The following FBXO17 variants were observed in gnomAD, a reference collection of about 807,000 sequenced individuals.
FBXO17 encodes the protein F-box only protein 17.
In FBXO17, 43 loss-of-function variants were observed where a neutral mutation model predicts 34.1. That is an observed-to-expected ratio of 1.26 (90% CI 0.99 to 1.62). FBXO17 has a LOEUF of 1.62. FBXO17 is among the 40% of genes most tolerant of loss of function. FBXO17 has a pLI of 0.00. For synonymous variants in FBXO17, 169 were observed against 166.0 expected (o/e 1.02, Z -0.14); for missense variants, 424 against 386.7 (o/e 1.10, Z -0.81).
intron 1 of FBXO17, among the ~76,000 whole-genome samples, chr19:38,964,096 C>T (rs1033600208): frequency 6.6e-6 from 1 of 151,986 alleles, no homozygotes; most frequent in African/African-American, 2.4e-5. Flanking sequence ...TTTCATTGCT[C>T]TTGAGTAGAT....
In FBXO17 at chr19:38,941,744, C is replaced by G. The variant is rs1162335346; in HGVS notation, c.*864G>C. Reference sequence around the variant, plus strand: ...ACAACCTTCAGGGTGGGGGTCATGGCCATCACAAACATGTCACAGTGCTGC... The same window carrying G: ...ACAACCTTCAGGGTGGGGGTCATGGGCATCACAAACATGTCACAGTGCTGC... On this transcript the variant is annotated 3_prime_UTR_variant, in exon 6 of 6. Transcript: ENST00000292852. The G allele has an allele frequency of 1.3e-5, 2 of 152,178 alleles. No individual in the cohort carries two copies. The highest frequency in any genetic ancestry group is 2.9e-5 in the Non-Finnish European group (2 of 68,036). The allele number at this position is 152,178 out of a possible 1,614,324, so 9.4% of individuals were successfully genotyped here. A position where few individuals can be genotyped will look rare whatever the true frequency, so the allele number is the denominator to read the frequency against.
At chr19:38,967,457 AAAAG>A (rs1414282197) in intron 1 of FBXO17, among the ~76,000 whole-genome samples, 4 of 152,128 alleles carry the variant, frequency 2.6e-5, no homozygotes, top group Admixed American at 1.3e-4. Context: ...ATAAAAATAA[AAAAG>A]AAAGAAAGAC....
chr19:38,967,147 G>A (rs1179598554), intron 1 of FBXO17, among the ~76,000 whole-genome samples: 1 of 152,140 alleles, frequency 6.6e-6, no homozygotes, highest in East Asian at 1.9e-4. Flanking sequence ...AAAACTCAAT[G>A]AGATAAACCA....
intron 1 of FBXO17, among the ~76,000 whole-genome samples, chr19:38,971,591 T>C (rs12052182): frequency 0.77 from 116,473 of 151,960 alleles, 45,672 homozygotes; most frequent in East Asian, 0.97. Context: ...TAAGACCAGC[T>C]TGGGTAACAT....
At chr19:38,952,572 C>T (rs774227492) in intron 1 of FBXO17, 3 of 534,408 alleles carry the variant, frequency 5.6e-6, no homozygotes, top group African/African-American at 1.9e-5. Flanking sequence ...CTCATCACTA[C>T]CTTGCTTCAT....
At chr19:38,949,449 G>A (rs1674030940) in intron 2 of FBXO17, among the ~76,000 whole-genome samples, 1 of 151,664 alleles carries the variant, frequency 6.6e-6, no homozygotes, top group Non-Finnish European at 1.5e-5. Context: ...GTTCAGGCTG[G>A]TCTCAAACTC....
intron 1 of FBXO17, among the ~76,000 whole-genome samples, chr19:38,970,167 C>A (rs1975373653): frequency 1.3e-5 from 2 of 150,260 alleles, no homozygotes. Flanking sequence ...AGGAATAAGC[C>A]ACAAGTACCC....
chr19:38,948,623 C>A lies in FBXO17; in HGVS notation c.405G>T (p.Lys135Asn), dbSNP rs755280045. The change falls in exon 3 of 6, where the codon AAG (lysine) becomes AAT (asparagine). Residue 135 changes from lysine to asparagine, a missense_variant. Physicochemically the swap from Lys to Asn is moderately conservative, Grantham distance 94. Coordinates refer to ENST00000292852, the MANE Select transcript of FBXO17 (RefSeq NM_024907.7). ...GAGCCCCAGGCACCGGTGTTAGGTT[C>A]TTTTCTATGGCCCAGCCGTTCCCGC... The part of the protein sequence containing the change: ...EHGGNGWAIE[K>N]NLTPVPGAPS... 6.2e-7 allele frequency: 1 copy of A among 1,614,142 alleles called. No individual in the cohort carries two copies. Among genetic ancestry groups the A allele is most frequent in the Non-Finnish European group, 8.5e-7 (1 of 1,180,020 alleles).
intron 1 of FBXO17, among the ~76,000 whole-genome samples, chr19:38,961,866 TTGGCCAGGC>T (rs1975254792): frequency 1.3e-5 from 2 of 151,950 alleles, no homozygotes; most frequent in Non-Finnish European, 2.9e-5. Flanking sequence ...TTTCACCATG[TTGGCCAGGC>T]TGGTCTTGAA....
At chr19:38,951,623 A>G (rs1975084904) in intron 1 of FBXO17, among the ~76,000 whole-genome samples, 1 of 150,406 alleles carries the variant, frequency 6.6e-6, no homozygotes, top group African/African-American at 2.4e-5. Context: ...TCCTCCCACC[A>G]ACTGTCATCT....
intron 1 of FBXO17, among the ~76,000 whole-genome samples, chr19:38,966,321 G>GTGTGTGTGTGT (rs1568445631): frequency 2.0e-5 from 3 of 149,574 alleles, no homozygotes; most frequent in Non-Finnish European, 4.4e-5. Context: ...GTGTGTGTGT[G>GTGTGTGTGTGT]GAGATGGGGT....
At chr19:38,947,845 T>C (rs1473921517) in intron 3 of FBXO17, among the ~76,000 whole-genome samples, 2 of 151,392 alleles carry the variant, frequency 1.3e-5, no homozygotes, top group East Asian at 3.9e-4. Flanking sequence ...ATTACAGCTA[T>C]GAGCCACCGT....
chr19:38,951,171 C>T (rs1975078587), intron 1 of FBXO17, among the ~76,000 whole-genome samples: 1 of 152,058 alleles, frequency 6.6e-6, no homozygotes, highest in Non-Finnish European at 1.5e-5. Context: ...CTAGCTGGCA[C>T]TCAGATGTCT....
intron 3 of FBXO17, 163 bp from the exon 4 acceptor site, chr19:38,946,730 C>T: frequency 2.0e-6 from 2 of 1,009,006 alleles, no homozygotes; most frequent in Non-Finnish European, 2.8e-6. Flanking sequence ...ATACATCTCT[C>T]CTTGGCCTCT....
intron 1 of FBXO17, among the ~76,000 whole-genome samples, chr19:38,961,816 C>T (rs1975254106): frequency 6.6e-6 from 1 of 151,932 alleles, no homozygotes; most frequent in Non-Finnish European, 1.5e-5. Context: ...GTGCGCACCA[C>T]CACACCCGGC....
intron 1 of FBXO17, among the ~76,000 whole-genome samples, chr19:38,954,667 C>T (rs1975137283): frequency 6.7e-6 from 1 of 148,666 alleles, no homozygotes; most frequent in East Asian, 2.0e-4. Context: ...GCAGCCTTCA[C>T]CTCCCAGGTT....
chr19:38,972,034 G>A (rs536307535), intron 1 of FBXO17, among the ~76,000 whole-genome samples: 71 of 152,206 alleles, frequency 4.7e-4, no homozygotes, highest in Admixed American at 1.4e-3. Context: ...TGACAGCAAC[G>A]TGCCCAAGGT....
At chr19:38,944,799 G>C in intron 5 of FBXO17, 170 bp downstream of exon 5, 3 of 885,796 alleles carry the variant, frequency 3.4e-6, no homozygotes, top group Middle Eastern at 6.9e-4. Context: ...GAAATGAATC[G>C]ATATGTAAGC....
Position 38,942,531 on chromosome 19 carries a change from G to C in FBXO17, c.*77C>G. On this transcript the variant is annotated 3_prime_UTR_variant, in exon 6 of 6. Transcript: ENST00000292852. ...CCCACCTCGGCCTCCTGAAGTGCTG[G>C]GATTCCACAGGTGTGAGCCACTGCA... 1 of 1,416,486 alleles carries C rather than the reference G, an allele frequency of 7.1e-7. No individual in the cohort carries two copies. Among genetic ancestry groups the C allele is most frequent in the Non-Finnish European group, 9.3e-7 (1 of 1,080,116 alleles). 87.7% of individuals were successfully genotyped at this position (1,416,486 alleles called of 1,614,324 possible).
Sources: allele counts gnomAD v4.1 joint callset (sites outside exome capture counted in the v4.1 genomes callset), GRCh38; gene constraint gnomAD v4.1.1; transcripts MANE v1.5; gene names NCBI Gene and HGNC (gene_info 2026-07-23, HGNC 2026-07-21).